Variants in RIMBP2 observed in about 807,000 individuals in gnomAD.
RIMBP2 encodes RIMS-binding protein 2.
Under a neutral mutation model 118.6 loss-of-function variants are expected in RIMBP2, and 48 were observed. The ratio of observed to expected loss-of-function variants is 0.40; its 90% confidence interval spans 0.32 to 0.51. The LOEUF is 0.51. Among genes scored for constraint, RIMBP2 ranks in the 20% least tolerant of loss-of-function variants. The pLI, the probability that RIMBP2 is intolerant of heterozygous loss-of-function variation, is 0.41. For synonymous variants in RIMBP2, 762 were observed against 742.9 expected (o/e 1.03, Z -0.42); for missense variants, 1,551 against 1,768.3 (o/e 0.88, Z 2.20).
chr12:130,452,635 C>A (rs763164638), intron 7 of RIMBP2, among the ~76,000 whole-genome samples: 8 of 152,242 alleles, frequency 5.3e-5, no homozygotes, highest in Non-Finnish European at 1.2e-4. Context: ...GGCCAGTGAA[C>A]CTTGAGGGGA....
At chr12:130,601,378 T>C (rs10773799) in intron 2 of RIMBP2, among the ~76,000 whole-genome samples, 69,017 of 142,042 alleles carry the variant, frequency 0.49, 17,952 homozygotes, top group Admixed American at 0.6. Flanking sequence ...GGCTGGTGAA[T>C]GTGATTATCT....
chr12:130,571,051 G>A (rs1372718799), intron 2 of RIMBP2, among the ~76,000 whole-genome samples: 3 of 152,128 alleles, frequency 2.0e-5, no homozygotes, highest in African/African-American at 7.2e-5. Flanking sequence ...AAAATGTCAC[G>A]AGAAAAAACG....
intron 10 of RIMBP2, among the ~76,000 whole-genome samples, chr12:130,444,772 G>C (rs2078393435): frequency 6.6e-6 from 1 of 152,222 alleles, no homozygotes; most frequent in African/African-American, 2.4e-5. Context: ...ACCTGGAGCA[G>C]AACAAGGCTC....
At chr12:130,477,751 G>C (rs2081563039) in intron 5 of RIMBP2, among the ~76,000 whole-genome samples, 1 of 152,244 alleles carries the variant, frequency 6.6e-6, no homozygotes, top group South Asian at 2.1e-4. Context: ...CCCCCAGGCT[G>C]GGTGAATGAC....
intron 6 of RIMBP2, among the ~76,000 whole-genome samples, chr12:130,464,623 CAG>C (rs1236165337): frequency 1.3e-5 from 2 of 152,240 alleles, no homozygotes; most frequent in African/African-American, 2.4e-5. Context: ...GCTGCTGACT[CAG>C]AGAGACCTCC....
intron 1 of RIMBP2, among the ~76,000 whole-genome samples, chr12:130,714,621 G>A (rs1950197284): frequency 6.6e-6 from 1 of 152,208 alleles, no homozygotes; most frequent in South Asian, 2.1e-4. Context: ...AAATAACCTG[G>A]AAGGGCTCCA....
At chr12:130,682,749 A>G (rs2064857852) in intron 1 of RIMBP2, among the ~76,000 whole-genome samples, 1 of 152,224 alleles carries the variant, frequency 6.6e-6, no homozygotes, top group African/African-American at 2.4e-5. Context: ...GCAGCGCCCA[A>G]TCTCTGCTTC....
rs576112003 is a variant in RIMBP2 at position 130,487,789 on chromosome 12, G to T, written c.-3-8773C>A. 1.5e-4 allele frequency among the ~76,000 whole-genome samples: 23 copies of T among 152,126 alleles called. No individual in the cohort carries two copies. The South Asian group carries it at 4.2e-3, about 27-fold the overall frequency. On this transcript the variant is annotated intron_variant, in intron 4 of 22. Transcript: ENST00000690449. ...TTTCCCTGTCTACTGGTGCACCCCC[G>T]GCCCAGAACAGTCTCTGACACATGG... is the stretch of plus-strand genomic sequence containing the variant.
At position 130,593,768 on chromosome 12, in the gene RIMBP2, C is replaced by T. The variant is rs148999660; in HGVS notation, c.-217+34554G>A. Among the ~76,000 whole-genome samples, 209 of 152,310 alleles carry T rather than the reference C, an allele frequency of 1.4e-3. 1 individual carries two copies. The highest frequency in any genetic ancestry group is 2.2e-3 in the Non-Finnish European group (149 of 68,038). On this transcript the variant is annotated intron_variant, in intron 2 of 22. Coordinates refer to ENST00000690449, the MANE Select transcript of RIMBP2 (RefSeq NM_001393629.1). ...CTGTCTGAAGGCAACATTTGCTGAT[C>T]GACCTCTCATTGAAAATCCCTGGTT...
chr12:130,497,624 T>C (rs1023352366), intron 4 of RIMBP2, among the ~76,000 whole-genome samples: 1 of 152,234 alleles, frequency 6.6e-6, no homozygotes, highest in African/African-American at 2.4e-5. Context: ...CCAGAATGTC[T>C]TGTGTATCAG....
At chr12:130,662,650 G>A (rs7954070) in intron 1 of RIMBP2, among the ~76,000 whole-genome samples, 2,374 of 151,030 alleles carry the variant, frequency 0.016, 61 homozygotes, top group African/African-American at 0.055. Context: ...GCAAGACTCC[G>A]TCTCAAAAAA....
chr12:130,604,453 C>G lies in RIMBP2; in HGVS notation c.-217+23869G>C, dbSNP rs1273236977. 2.0e-5 allele frequency among the ~76,000 whole-genome samples: 3 copies of G among 146,822 alleles called. No homozygotes were observed. The South Asian group carries it at 6.6e-4, about 32-fold the overall frequency. On this transcript the variant is annotated intron_variant, in intron 2 of 22. Coordinates refer to ENST00000690449, the MANE Select transcript of RIMBP2 (RefSeq NM_001393629.1). Reference sequence around the variant, plus strand: ...TACAGTCGTGCAGTGGAACATCCTACGCCTTCACATTCACTCTCCACTCAC... The same window carrying G: ...TACAGTCGTGCAGTGGAACATCCTAGGCCTTCACATTCACTCTCCACTCAC...
chr12:130,527,240 G>A (rs7954726), intron 2 of RIMBP2, among the ~76,000 whole-genome samples: 67,196 of 151,922 alleles, frequency 0.44, 15,398 homozygotes, highest in Admixed American at 0.51. Flanking sequence ...TCTTCAAGTC[G>A]TAAAGGACAA....
chr12:130,451,378 C>A (rs757979829), intron 7 of RIMBP2, 38 bp from the exon 8 acceptor site: 5 of 1,573,606 alleles, frequency 3.2e-6, no homozygotes, highest in South Asian at 1.2e-5. Flanking sequence ...AACAAATATG[C>A]GAATAACATC....
intron 1 of RIMBP2, among the ~76,000 whole-genome samples, chr12:130,673,312 AC>A (rs1243331890): frequency 1.3e-5 from 2 of 152,190 alleles, no homozygotes; most frequent in Non-Finnish European, 2.9e-5. Context: ...AGGGGCTGCC[AC>A]CCCATCAACC....
chr12:130,491,869 C>A (rs905447752), intron 4 of RIMBP2, among the ~76,000 whole-genome samples: 2 of 152,194 alleles, frequency 1.3e-5, no homozygotes, highest in East Asian at 3.8e-4. Context: ...TTTAAAGCAG[C>A]GATATTTATA....
At chr12:130,464,573 C>G (rs1469758203) in intron 6 of RIMBP2, among the ~76,000 whole-genome samples, 1 of 151,634 alleles carries the variant, frequency 6.6e-6, no homozygotes, top group Non-Finnish European at 1.5e-5. Flanking sequence ...TGGCTGAATA[C>G]CTACTATGTG....
intron 1 of RIMBP2, chr12:130,658,384 G>A (rs7965988): frequency 0.26 from 40,301 of 152,116 alleles, 6,618 homozygotes; most frequent in Non-Finnish European, 0.38. Context: ...GCAAGAACAC[G>A]AATCTGTCAT....
rs78731494 is a variant in RIMBP2 at position 130,545,549 on chromosome 12, C to T, written c.-216-27632G>A. On this transcript the variant is annotated intron_variant, in intron 2 of 22. Transcript: ENST00000690449. ...TTGTTTTCTTTTTACTTTCTTGTAA[C>T]GTGGCTGCTCAAAAATGTAAAATTG... Among the ~76,000 whole-genome samples the T allele has an allele frequency of 4.2e-3, 645 of 152,238 alleles. 2 individuals carry two copies. The highest frequency in any genetic ancestry group is 0.013 in the African/African-American group (560 of 41,534).
Sources: allele counts gnomAD v4.1 joint callset (sites outside exome capture counted in the v4.1 genomes callset), GRCh38; gene constraint gnomAD v4.1.1; transcripts MANE v1.5; gene names NCBI Gene and HGNC (gene_info 2026-07-23, HGNC 2026-07-21).